MINDY4B: variants seen among roughly 807,000 people sequenced by gnomAD.
MINDY4B encodes MINDY family member 4B, also known as inactive ubiquitin carboxyl-terminal hydrolase MINDY-4B.
A neutral mutation model predicts 16.7 loss-of-function variants in MINDY4B; 25 were observed. The ratio of observed to expected loss-of-function variants is 1.49; its 90% CI spans 1.09 to 2.09. The LOEUF (loss-of-function observed/expected upper bound fraction) is 2.09, where lower values mean the gene tolerates loss of function less well. MINDY4B is among the 30% of genes most tolerant of loss of function. The pLI is 0.00. For synonymous variants in MINDY4B, 132 were observed against 61.9 expected (o/e 2.13, Z -5.32); for missense variants, 327 against 168.4 (o/e 1.94, Z -5.21).
chr3:150,896,154 A>G (rs1021003764), intron 3 of MINDY4B, among the ~76,000 whole-genome samples: 4 of 152,066 alleles, frequency 2.6e-5, no homozygotes, highest in African/African-American at 9.7e-5. Context: ...TACTTGTTCA[A>G]TTCTGTTGCT....
chr3:150,880,305 C>CTGTGTGTG (rs60659488), intron 10 of MINDY4B, among the ~76,000 whole-genome samples: 2,629 of 149,854 alleles, frequency 0.018, 64 homozygotes, highest in African/African-American at 0.056. Context: ...AGGTTCCCAT[C>CTGTGTGTG]TGTGTGTGTG....
chr3:150,891,446 T>C (rs1277004514), intron 5 of MINDY4B, among the ~76,000 whole-genome samples: 1 of 152,142 alleles, frequency 6.6e-6, no homozygotes, highest in Non-Finnish European at 1.5e-5. Flanking sequence ...ACAATCCGTC[T>C]AGCTCTGTGG....
At position 150,890,958 on chromosome 3, in the gene MINDY4B, C is replaced by T. The variant is rs573025249; in HGVS notation, c.667G>A (p.Val223Met). Residue 223 changes from valine (V) to methionine (M), a missense_variant, in exon 6 of 12, where the codon GTG (valine) becomes ATG (methionine). By Grantham distance (21) the Val-to-Met change is conservative. Coordinates refer to ENST00000465419, the MANE Select transcript of MINDY4B (RefSeq NM_001351281.2). ...IYVASTPDYSVDNFTERLQLF... is the reference protein window; with the variant it reads ...IYVASTPDYSMDNFTERLQLF... ...CTTACTCGCTCAGTGAAATTGTCCA[C>T]AGAGTAGTCCGGAGTCGACGCAACG... is the stretch of plus-strand genomic sequence containing the variant. The T allele has an allele frequency of 6.1e-5, 43 of 702,774 alleles. No homozygotes were observed. The African/African-American group carries it at 6.4e-4, about 11-fold the overall frequency. 43.5% of individuals were successfully genotyped at this position (702,774 alleles called of 1,614,324 possible). A position where few individuals can be genotyped will look rare whatever the true frequency, so the allele number is the denominator to read the frequency against.
chr3:150,900,203 G>A lies in MINDY4B; in HGVS notation c.309+3046C>T, dbSNP rs868516266. ...AAAGATGTCAGGCTGGAGGAAGGAA[G>A]AAAGCTGTAGTATTGGAAAGAGGAC... On this transcript the variant is annotated intron_variant, in intron 3 of 11. Coordinates refer to ENST00000465419, the MANE Select transcript of MINDY4B (RefSeq NM_001351281.2). Among the ~76,000 whole-genome samples the A allele has an allele frequency of 2.6e-5, 4 of 152,320 alleles. No individual in the cohort carries two copies. The Middle Eastern group carries it at 0.014, about 518-fold the overall frequency.
Position 150,873,199 on chromosome 3 carries a change from G to A in MINDY4B, c.1228C>T (p.Arg410Cys), listed in dbSNP as rs1409430087. ...CTGAAATGCTCACCTATTGTAAGACGCACAAGCTTTTTCTGTGAGGGTTGG... is the reference window on the plus strand; with the variant it reads ...CTGAAATGCTCACCTATTGTAAGACACACAAGCTTTTTCTGTGAGGGTTGG... ...SGQPSQKKLV[R>C]LTIDTHSHHW... The change falls in exon 11 of 12, where the codon CGT becomes TGT. Residue 410 changes from arginine to cysteine, a missense_variant. By Grantham distance (180) the Arg-to-Cys change is radical (BLOSUM62 -3). Coordinates refer to ENST00000465419, the MANE Select transcript of MINDY4B (RefSeq NM_001351281.2). 5.7e-6 allele frequency: 4 copies of A among 702,816 alleles called. No homozygotes were observed. The highest frequency in any genetic ancestry group is 1.0e-5 in the Non-Finnish European group (4 of 384,736). 43.5% of individuals were successfully genotyped at this position (702,816 alleles called of 1,614,324 possible). A position where few individuals can be genotyped will look rare whatever the true frequency, so the allele number is the denominator to read the frequency against.
chr3:150,872,830 G>C (rs764203610), intron 11 of MINDY4B, among the ~76,000 whole-genome samples: 2 of 152,086 alleles, frequency 1.3e-5, no homozygotes, highest in Non-Finnish European at 2.9e-5. Context: ...TTCTTCCCTG[G>C]GTTTTCCCAA....
chr3:150,878,287 A>G (rs1171684117), intron 10 of MINDY4B, among the ~76,000 whole-genome samples: 5 of 152,234 alleles, frequency 3.3e-5, no homozygotes, highest in Admixed American at 2.6e-4. Flanking sequence ...TGCTTCATAC[A>G]TATTTCCTGT....
chr3:150,891,223 C>A, intron 5 of MINDY4B, 120 bp from the exon 6 acceptor site: 1 of 616,354 alleles, frequency 1.6e-6, no homozygotes, highest in Non-Finnish European at 2.9e-6. Flanking sequence ...GATTTACACC[C>A]AGCTCACCTG....
intron 3 of MINDY4B, among the ~76,000 whole-genome samples, chr3:150,895,183 G>A (rs531655987): frequency 1.3e-5 from 2 of 152,288 alleles, no homozygotes; most frequent in African/African-American, 4.8e-5. Flanking sequence ...AGGGAACCGA[G>A]ACCCAAATAA....
intron 2 of MINDY4B, among the ~76,000 whole-genome samples, chr3:150,904,024 A>G (rs566613754): frequency 6.6e-6 from 1 of 152,364 alleles, no homozygotes; most frequent in African/African-American, 2.4e-5. Context: ...GTTGTGCAAC[A>G]AATCTGTCCT....
At chr3:150,900,117 T>C (rs968470644) in intron 3 of MINDY4B, among the ~76,000 whole-genome samples, 10 of 152,214 alleles carry the variant, frequency 6.6e-5, no homozygotes, top group African/African-American at 2.4e-4. Context: ...GATGCTCACC[T>C]TTCCCACGAT....
At position 150,894,254 on chromosome 3, in the gene MINDY4B, A is replaced by G. The variant is rs1296072523; in HGVS notation, c.361T>C (p.Trp121Arg). ...GNTVHVFSYN[W>R]KKAYFRFHDP... Reference sequence around the variant, plus strand: ...TGGAACCTGAAATAGGCCTTTTTCCAGTTATAGCTAAAGACATGGACTGTG... The same window carrying G: ...TGGAACCTGAAATAGGCCTTTTTCCGGTTATAGCTAAAGACATGGACTGTG... The change falls in exon 4 of 12, where the codon TGG becomes CGG. Residue 121 changes from tryptophan to arginine, a missense_variant. Physicochemically the swap from Trp to Arg is moderately radical, Grantham distance 101. Transcript: ENST00000465419. The G allele has an allele frequency of 3.0e-5, 21 of 701,826 alleles. No individual in the cohort carries two copies. The highest frequency in any genetic ancestry group is 1.6e-4 in the South Asian group (11 of 67,308). The allele number at this position is 701,826 out of a possible 1,614,324, so 43.5% of individuals were successfully genotyped here.
chr3:150,883,643 A>T, intron 9 of MINDY4B, 57 bp downstream of exon 9: 1 of 690,950 alleles, frequency 1.4e-6, no homozygotes, highest in South Asian at 1.5e-5. Context: ...CAAACTCTGC[A>T]TGTGGCATTC....
chr3:150,878,676 C>T (rs1005204316), intron 10 of MINDY4B, among the ~76,000 whole-genome samples: 4 of 152,186 alleles, frequency 2.6e-5, no homozygotes, highest in African/African-American at 7.2e-5. Context: ...CAGTTTCCAT[C>T]CTTTGCCCCA....
chr3:150,895,148 C>T (rs1019729122), intron 3 of MINDY4B, among the ~76,000 whole-genome samples: 4 of 152,160 alleles, frequency 2.6e-5, no homozygotes, highest in Non-Finnish European at 5.9e-5. Context: ...GCAGTTGGTG[C>T]TATTATCCAG....
intron 3 of MINDY4B, among the ~76,000 whole-genome samples, chr3:150,901,610 G>A (rs370456821): frequency 1.5e-4 from 22 of 150,550 alleles, no homozygotes; most frequent in South Asian, 6.3e-4. Context: ...CAACCTCTGC[G>A]TCCTGGGTTC....
chr3:150,875,632 A>C (rs955688389), intron 10 of MINDY4B, among the ~76,000 whole-genome samples: 10 of 152,204 alleles, frequency 6.6e-5, no homozygotes, highest in Non-Finnish European at 1.2e-4. Flanking sequence ...AAAGCTACTC[A>C]AGATTTTGTT....
chr3:150,894,269 C>T lies in MINDY4B; in HGVS notation c.346G>A (p.Val116Ile). ...GCCTTTTTCCAGTTATAGCTAAAGA[C>T]ATGGACTGTGTTTCCAAACAGGATC... is the stretch of plus-strand genomic sequence containing the variant. ...RQILFGNTVH[V>I]FSYNWKKAYF... Residue 116 changes from valine (V) to isoleucine (I), a missense_variant, in exon 4 of 12, where the codon GTC becomes ATC. By Grantham distance (29) the Val-to-Ile change is conservative. Coordinates refer to ENST00000465419, the MANE Select transcript of MINDY4B (RefSeq NM_001351281.2). The T allele has an allele frequency of 2.9e-6, 2 of 700,554 alleles. No homozygotes were observed. The highest frequency in any genetic ancestry group is 5.2e-6 in the Non-Finnish European group (2 of 384,334). The allele number at this position is 700,554 out of a possible 1,614,324, so 43.4% of individuals were successfully genotyped here. A position where few individuals can be genotyped will look rare whatever the true frequency, so the allele number is the denominator to read the frequency against.
chr3:150,882,653 G>A (rs867981499), intron 10 of MINDY4B, among the ~76,000 whole-genome samples: 10 of 151,660 alleles, frequency 6.6e-5, no homozygotes, highest in South Asian at 2.1e-4. Flanking sequence ...AAAAATGTAT[G>A]TATTACTTTT....
Sources: gnomAD v4.1 joint callset for allele counts (sites outside exome capture counted in the v4.1 genomes callset) on GRCh38, gnomAD v4.1.1 for gene constraint, MANE v1.5 for transcripts, NCBI Gene and HGNC (gene_info 2026-07-23, HGNC 2026-07-21) for gene names.